PLEKHA6: variants seen among roughly 807,000 people sequenced by gnomAD.
PLEKHA6 encodes pleckstrin homology domain containing A6.
PLEKHA6 carries 60 observed loss-of-function variants against 116.7 expected under a neutral mutation model. The ratio of observed to expected loss-of-function variants is 0.51; its 90% CI spans 0.42 to 0.64. The LOEUF is 0.64. PLEKHA6 is among the 30% of genes least tolerant of loss of function. The pLI, the probability that PLEKHA6 is intolerant of heterozygous loss-of-function variation, is 0.00. For missense variants in PLEKHA6, 1,338 were observed against 1,422.7 expected (o/e 0.94, Z 0.96); for synonymous variants, 489 against 556.1 (o/e 0.88, Z 1.70).
intron 14 of PLEKHA6, 98 bp from the exon 15 acceptor site, chr1:204,245,101 C>G: frequency 1.2e-6 from 1 of 846,850 alleles, no homozygotes; most frequent in South Asian, 2.3e-5. Flanking sequence ...GAAGCCAGAT[C>G]CAGGGATGTG....
In PLEKHA6 at chr1:204,259,170, C is replaced by A; in HGVS notation, c.1007+88G>T. On this transcript the variant is annotated intron_variant, in intron 8 of 22. Coordinates refer to ENST00000272203, the MANE Select transcript of PLEKHA6 (RefSeq NM_014935.5). This position sits in a 1 kb window ranked among gnomAD's most constrained non-coding sequence, Gnocchi z 4.6. ...CAGCCTGCTTCCAGAAGGTTTCCAA[C>A]AGGGGATGCCTCGTGGGCTATGACC... 6.9e-7 allele frequency: 1 copy of A among 1,441,496 alleles called. No homozygotes were observed. Among genetic ancestry groups the A allele is most frequent in the Middle Eastern group, 1.8e-4 (1 of 5,536 alleles). 89.3% of individuals were successfully genotyped at this position (1,441,496 alleles called of 1,614,324 possible).
chr1:204,321,532 C>T (rs1050521717), intron 1 of PLEKHA6, among the ~76,000 whole-genome samples: 1 of 151,368 alleles, frequency 6.6e-6, no homozygotes, highest in African/African-American at 2.4e-5. Flanking sequence ...AGCCTCTGTG[C>T]ATGCTGTTTC....
chr1:204,337,335 A>G (rs1034820934), intron 1 of PLEKHA6, among the ~76,000 whole-genome samples: 15 of 152,146 alleles, frequency 9.9e-5, no homozygotes, highest in African/African-American at 3.6e-4. Flanking sequence ...AGCAAAAGAC[A>G]TAAATTGTAG....
intron 1 of PLEKHA6, among the ~76,000 whole-genome samples, chr1:204,287,302 A>G (rs1317558399): frequency 2.6e-5 from 4 of 151,568 alleles, no homozygotes; most frequent in African/African-American, 9.7e-5. Flanking sequence ...ATCAGCTGAG[A>G]AAAGCCAGTG....
intron 1 of PLEKHA6, among the ~76,000 whole-genome samples, chr1:204,353,626 T>C (rs1673342109): frequency 6.6e-6 from 1 of 152,188 alleles, no homozygotes; most frequent in Non-Finnish European, 1.5e-5. Flanking sequence ...TCAGGTCGCA[T>C]TGCTTTATAT....
At chr1:204,287,894 G>A (rs1431507474) in intron 1 of PLEKHA6, among the ~76,000 whole-genome samples, 1 of 152,150 alleles carries the variant, frequency 6.6e-6, no homozygotes, top group East Asian at 1.9e-4. Context: ...TGGCTTCTGC[G>A]CTGAGCAGTT....
At chr1:204,316,494 G>T (rs1435326225) in intron 1 of PLEKHA6, among the ~76,000 whole-genome samples, 5 of 152,194 alleles carry the variant, frequency 3.3e-5, no homozygotes, top group African/African-American at 1.2e-4. Flanking sequence ...TGCAGGATAT[G>T]TGGGGGTAGG....
chr1:204,266,439 A>G lies in PLEKHA6; in HGVS notation c.280+1036T>C, dbSNP rs533118477. On this transcript the variant is annotated intron_variant, in intron 5 of 22. Coordinates refer to ENST00000272203, the MANE Select transcript of PLEKHA6 (RefSeq NM_014935.5). ...AGACTCTCCTGTGCAGAGACCCCCAATTTTCCTCCAGTTTCATTCCCACTC... is the reference window on the plus strand; with the variant it reads ...AGACTCTCCTGTGCAGAGACCCCCAGTTTTCCTCCAGTTTCATTCCCACTC... 3.3e-5 allele frequency among the ~76,000 whole-genome samples: 5 copies of G among 151,896 alleles called. No homozygotes were observed. In the South Asian group the frequency reaches 8.4e-4, roughly 25 times the overall value.
In PLEKHA6 at chr1:204,249,385, G is replaced by C. The variant is rs1664237979; in HGVS notation, c.1594-121C>G. ...TACCCCCCTCCTTTCTCCTGCTGAG[G>C]AACCCTGGGCCTTCACCTTGCCCTT... On this transcript the variant is annotated intron_variant, in intron 10 of 22. Coordinates refer to ENST00000272203, the MANE Select transcript of PLEKHA6 (RefSeq NM_014935.5). 4.1e-6 allele frequency: 3 copies of C among 723,854 alleles called. No homozygotes were observed. The Admixed American group carries it at 6.7e-5, about 16-fold the overall frequency. The allele number at this position is 723,854 out of a possible 1,614,324, so 44.8% of individuals were successfully genotyped here.
intron 17 of PLEKHA6, among the ~76,000 whole-genome samples, chr1:204,240,796 T>C (rs1209292948): frequency 3.9e-5 from 6 of 152,232 alleles, no homozygotes; most frequent in Admixed American, 2.0e-4. Context: ...TACAAAGTAT[T>C]GATCCTGGGT....
chr1:204,307,185 C>T (rs1466570011), intron 1 of PLEKHA6, among the ~76,000 whole-genome samples: 1 of 152,146 alleles, frequency 6.6e-6, no homozygotes, highest in Non-Finnish European at 1.5e-5. Context: ...CACACACATT[C>T]ACTCTCACAC....
intron 3 of PLEKHA6, among the ~76,000 whole-genome samples, chr1:204,269,940 A>T (rs1448307265): frequency 6.6e-6 from 1 of 151,766 alleles, no homozygotes; most frequent in Non-Finnish European, 1.5e-5. Context: ...CCTTCAATAC[A>T]CCCAATGTCC....
intron 1 of PLEKHA6, among the ~76,000 whole-genome samples, chr1:204,356,250 T>C (rs981073943): frequency 2.0e-5 from 3 of 152,164 alleles, no homozygotes; most frequent in African/African-American, 7.2e-5. Context: ...AAAAGGTATA[T>C]AATGAAATAT....
At position 204,268,448 on chromosome 1, in the gene PLEKHA6, G is replaced by A. The variant is rs181352732; in HGVS notation, c.103-136C>T. 6.7e-6 allele frequency: 3 copies of A among 446,868 alleles called. No homozygotes were observed. The East Asian group carries it at 1.0e-4, about 15-fold the overall frequency. The allele number at this position is 446,868 out of a possible 1,614,324, so 27.7% of individuals were successfully genotyped here. On this transcript the variant is annotated intron_variant, in intron 3 of 22. Coordinates refer to ENST00000272203, the MANE Select transcript of PLEKHA6 (RefSeq NM_014935.5). ...TGCCCTCACACCAAGGGGCCCAGGTGTGAATCTTGGATCTATTACTAATTC... is the reference window on the plus strand; with the variant it reads ...TGCCCTCACACCAAGGGGCCCAGGTATGAATCTTGGATCTATTACTAATTC...
At chr1:204,362,818 A>T (rs1282545754), upstream of PLEKHA6, among the ~76,000 whole-genome samples, 2 of 152,258 alleles carry the variant, frequency 1.3e-5, no homozygotes, top group Admixed American at 6.5e-5. Flanking sequence ...AGTTGCTGGG[A>T]CTTACAGGTG....
At chr1:204,354,297 T>C (rs1273831884) in intron 1 of PLEKHA6, among the ~76,000 whole-genome samples, 1 of 152,168 alleles carries the variant, frequency 6.6e-6, no homozygotes, top group African/African-American at 2.4e-5. Context: ...CTGATGCATG[T>C]TTATCAGATC....
chr1:204,320,885 CTT>C (rs1672038584), intron 1 of PLEKHA6, among the ~76,000 whole-genome samples: 1 of 152,196 alleles, frequency 6.6e-6, no homozygotes, highest in Admixed American at 6.5e-5. Context: ...TGCCTGATCT[CTT>C]TTGAAAAACA....
intron 2 of PLEKHA6, among the ~76,000 whole-genome samples, chr1:204,370,479 G>T (rs548189643): frequency 2.0e-5 from 3 of 152,238 alleles, no homozygotes; most frequent in Non-Finnish European, 4.4e-5. Context: ...CCGTGGTGGC[G>T]TCATGAGGAG....
chr1:204,273,529 T>C, intron 3 of PLEKHA6, 97 bp downstream of exon 3: 1 of 860,386 alleles, frequency 1.2e-6, no homozygotes, highest in Non-Finnish European at 2.0e-6. Context: ...CAGAAATAGC[T>C]GGACAGGCTA....
Sources: allele counts gnomAD v4.1 joint callset (sites outside exome capture counted in the v4.1 genomes callset), GRCh38; gene constraint gnomAD v4.1.1; non-coding constraint Gnocchi (gnomAD v3.1); transcripts MANE v1.5; gene names NCBI Gene and HGNC (gene_info 2026-07-23, HGNC 2026-07-21).